Variants in TBC1D8 observed in about 807,000 individuals in gnomAD.
TBC1D8 encodes BUB2-like protein 1.
TBC1D8 carries 65 observed loss-of-function variants against 118.8 expected under a neutral mutation model. The observed-to-expected ratio is 0.55, with a 90% CI of 0.45 to 0.67. The LOEUF is 0.67. Ranked by LOEUF, TBC1D8 falls within the 30% of genes least tolerant of loss-of-function variation. The pLI is 0.00. For synonymous variants in TBC1D8, 566 were observed against 595.8 expected (o/e 0.95, Z 0.73); for missense variants, 1,376 against 1,471.2 (o/e 0.94, Z 1.06).
Position 101,022,227 on chromosome 2 carries a change from G to C in TBC1D8, c.2761+54C>G, listed in dbSNP as rs571421092. 3.1e-6 allele frequency: 5 copies of C among 1,610,004 alleles called. No homozygotes were observed. In the South Asian group the frequency reaches 4.4e-5, roughly 14 times the overall value. On this transcript the variant is annotated intron_variant, in intron 16 of 19. Transcript: ENST00000409318. The stretch of plus-strand genomic sequence containing the variant: ...GCTCCGAAGATCCACTTTGTGTTCT[G>C]CTCACAGACCCACACCCCAAAGCAC...
At chr2:101,018,023 C>CTA (rs1172313508) in intron 17 of TBC1D8, 1 of 1,270,420 alleles carries the variant, frequency 7.9e-7, no homozygotes, top group East Asian at 2.5e-5. Flanking sequence ...TGTGCTCATT[C>CTA]TACATATCAA....
chr2:101,096,660 A>G (rs1334193808), intron 1 of TBC1D8, among the ~76,000 whole-genome samples: 1 of 152,160 alleles, frequency 6.6e-6, no homozygotes, highest in African/African-American at 2.4e-5. Flanking sequence ...AGACGTGAAA[A>G]GAAAATCAAG....
At chr2:101,021,850 CA>C in intron 16 of TBC1D8, 104 bp from the exon 17 acceptor site, 1 of 730,872 alleles carries the variant, frequency 1.4e-6, no homozygotes, top group Non-Finnish European at 2.4e-6. Flanking sequence ...CAATACCTGC[CA>C]CCCCCAACTC....
At position 101,032,438 on chromosome 2, in the gene TBC1D8, AGATGTT is replaced by A. The variant is rs1680726985; in HGVS notation, c.1819-59_1819-54del. 17 of 1,497,640 alleles carry A rather than the reference AGATGTT, an allele frequency of 1.1e-5. 1 individual carries two copies. The Admixed American group carries it at 1.6e-4, about 14-fold the overall frequency. 92.8% of individuals were successfully genotyped at this position (1,497,640 alleles called of 1,614,324 possible). Reference sequence around the variant, plus strand: ...CTGACTGGCCCATGTGATGCCACAGAGATGTTACAAGCATCCAAGCCCAAACAACCC... The same window carrying A: ...CTGACTGGCCCATGTGATGCCACAGAACAAGCATCCAAGCCCAAACAACCC... On this transcript the variant is annotated intron_variant, in intron 10 of 19. Transcript: ENST00000409318.
chr2:101,033,449 G>A (rs748859791), intron 10 of TBC1D8, 95 bp downstream of exon 10: 9 of 1,470,876 alleles, frequency 6.1e-6, no homozygotes, highest in Middle Eastern at 3.4e-4. Context: ...ACAACACTCA[G>A]GACCAGATGA....
intron 5 of TBC1D8, among the ~76,000 whole-genome samples, chr2:101,046,442 A>G (rs888738938): frequency 6.6e-6 from 1 of 152,154 alleles, no homozygotes; most frequent in Admixed American, 6.5e-5. Context: ...ACCTAAGCCA[A>G]CCTGCTGACA....
chr2:101,123,294 G>A (rs1381764107), intron 1 of TBC1D8, among the ~76,000 whole-genome samples: 2 of 152,114 alleles, frequency 1.3e-5, no homozygotes, highest in African/African-American at 4.8e-5. Context: ...GGGATAATTG[G>A]ACTTGCTCCT....
At chr2:101,139,077 T>G (rs1200383940) in intron 1 of TBC1D8, among the ~76,000 whole-genome samples, 1 of 152,068 alleles carries the variant, frequency 6.6e-6, no homozygotes, top group Non-Finnish European at 1.5e-5. Context: ...CAGAGACAGA[T>G]TCTTCCATGC....
chr2:101,069,638 A>G (rs1432237730), intron 2 of TBC1D8, among the ~76,000 whole-genome samples: 1 of 152,208 alleles, frequency 6.6e-6, no homozygotes, highest in Non-Finnish European at 1.5e-5. Flanking sequence ...AGGTGCAATG[A>G]AAGTATTTGT....
intron 2 of TBC1D8, among the ~76,000 whole-genome samples, chr2:101,076,601 G>T (rs1274105940): frequency 6.6e-6 from 1 of 152,180 alleles, no homozygotes; most frequent in Non-Finnish European, 1.5e-5. Flanking sequence ...CAGCCAGCAG[G>T]ATATTCCACA....
chr2:101,147,391 T>C (rs1201037108), intron 1 of TBC1D8, among the ~76,000 whole-genome samples: 1 of 152,220 alleles, frequency 6.6e-6, no homozygotes. Context: ...AGACCCTCCA[T>C]ACTGTCCTCC....
At chr2:101,079,409 C>T (rs1231592378) in intron 2 of TBC1D8, among the ~76,000 whole-genome samples, 2 of 152,164 alleles carry the variant, frequency 1.3e-5, no homozygotes, top group African/African-American at 4.8e-5. Flanking sequence ...TTTAAAGACA[C>T]GGTTTCATCT....
chr2:101,085,225 A>G (rs1675532307), intron 2 of TBC1D8, among the ~76,000 whole-genome samples: 1 of 152,096 alleles, frequency 6.6e-6, no homozygotes. Context: ...TTAAGTATCC[A>G]ATAAAGGATT....
intron 5 of TBC1D8, among the ~76,000 whole-genome samples, chr2:101,042,337 C>G (rs1182042046): frequency 6.6e-6 from 1 of 152,096 alleles, no homozygotes; most frequent in East Asian, 1.9e-4. Context: ...TTCCAACATA[C>G]AGAGGGAAAG....
chr2:101,133,009 A>G (rs1180562172), intron 1 of TBC1D8, among the ~76,000 whole-genome samples: 1 of 151,810 alleles, frequency 6.6e-6, no homozygotes, highest in Non-Finnish European at 1.5e-5. Flanking sequence ...GTACATCTCA[A>G]ATTAGCTAGG....
chr2:101,038,473 C>T lies in TBC1D8; in HGVS notation c.1263G>A (p.Ala421=), dbSNP rs375937204. The change falls in exon 7 of 20, where the codon GCG becomes GCA. Residue 421 remains alanine, a synonymous_variant. Coordinates refer to ENST00000409318, the MANE Select transcript of TBC1D8 (RefSeq NM_001330348.2). The stretch of plus-strand genomic sequence containing the variant: ...GGAGGGACCATACCATGTCATCATC[C>T]GCAGAGGTGTCGTAGTGCACGGGGT... ...ANHPVHYDTS[A]DDDMASLVFH... 81 of 1,613,690 alleles carry T rather than the reference C, an allele frequency of 5.0e-5. No homozygotes were observed. In the African/African-American group the frequency reaches 7.1e-4, roughly 14 times the overall value.
intron 16 of TBC1D8, 25 bp from the exon 17 acceptor site, chr2:101,021,771 G>T: frequency 2.8e-6 from 4 of 1,419,514 alleles, no homozygotes; most frequent in Non-Finnish European, 2.9e-6. Flanking sequence ...AAAAGAGTGA[G>T]TTGATGCCAA....
intron 1 of TBC1D8, among the ~76,000 whole-genome samples, chr2:101,133,574 T>A (rs886819386): frequency 2.0e-5 from 3 of 152,164 alleles, no homozygotes; most frequent in African/African-American, 7.2e-5. Context: ...GGTTCACAGA[T>A]GGTGGCTTCA....
At chr2:101,133,916 T>C (rs1678710438) in intron 1 of TBC1D8, among the ~76,000 whole-genome samples, 1 of 151,876 alleles carries the variant, frequency 6.6e-6, no homozygotes, top group African/African-American at 2.4e-5. Context: ...ACAGAGAGAG[T>C]GTGTGAAAGT....
Sources: gnomAD v4.1 joint callset for allele counts (sites outside exome capture counted in the v4.1 genomes callset) on GRCh38, gnomAD v4.1.1 for gene constraint, MANE v1.5 for transcripts, NCBI Gene and HGNC (gene_info 2026-07-23, HGNC 2026-07-21) for gene names.